The following PFKL variants were observed in gnomAD, a reference collection of about 807,000 sequenced individuals.
The protein encoded by PFKL is ATP-dependent 6-phosphofructokinase, liver type.
A neutral mutation model predicts 92.1 loss-of-function variants in PFKL; 74 were observed. That is an observed-to-expected ratio of 0.80 (90% CI 0.67 to 0.97). The LOEUF is 0.97. Among genes scored for constraint, PFKL ranks in the 50% least tolerant of loss-of-function variants. The probability of loss-of-function intolerance (pLI) is 0.00; values close to 1 mark genes in which losing one functional copy is unlikely to be tolerated. For synonymous variants in PFKL, 494 were observed against 456.4 expected, an observed-to-expected ratio of 1.08 and a Z score of -1.05; for missense variants, 1,028 against 1,116.6, an observed-to-expected ratio of 0.92 and a Z score of 1.13.
At position 44,321,470 on chromosome 21, in the gene PFKL, C is replaced by T. The variant is rs559941358; in HGVS notation, c.1192-259C>T. On this transcript the variant is annotated intron_variant, in intron 12 of 21. Transcript: ENST00000349048. ...GCAAGCCTGGCTTCACAACAGTGCT[C>T]GCCCCTTCTGCCTCCTCTGTTGCCT... The T allele has an allele frequency of 4.9e-3, 1,202 of 247,526 alleles. 7 individuals carry two copies. The highest frequency in any genetic ancestry group is 6.0e-3 in the Non-Finnish European group (785 of 129,914). The allele number at this position is 247,526 out of a possible 1,614,324, so 15.3% of individuals were successfully genotyped here. A position where few individuals can be genotyped will look rare whatever the true frequency, so the allele number is the denominator to read the frequency against.
At chr21:44,306,113 C>G (rs573183472) in intron 1 of PFKL, among the ~76,000 whole-genome samples, 1 of 152,344 alleles carries the variant, frequency 6.6e-6, no homozygotes, top group African/African-American at 2.4e-5. Flanking sequence ...CACGCCGCAG[C>G]CTGAATGTCT....
At chr21:44,312,677 T>G (rs1159065499) in intron 4 of PFKL, among the ~76,000 whole-genome samples, 1 of 152,246 alleles carries the variant, frequency 6.6e-6, no homozygotes, top group Non-Finnish European at 1.5e-5. Flanking sequence ...CCGAGATTGC[T>G]GCTTGGAAAG....
At position 44,326,163 on chromosome 21, in the gene PFKL, G is replaced by GGT. The variant is rs778563028; in HGVS notation, c.2097_2098dup (p.Phe700CysfsTer11). ...GCCACGTGCCTCTGTTTGCAGGACG[G>GGT]GTGTTCGCCAATGCCCCAGACTCGG... is the stretch of plus-strand genomic sequence containing the variant. On this transcript the variant is annotated frameshift_variant, in exon 21 of 22. Coordinates refer to ENST00000349048, the MANE Select transcript of PFKL (RefSeq NM_002626.6). LOFTEE classifies it high-confidence loss of function. The GGT allele has an allele frequency of 6.2e-7, 1 of 1,612,312 alleles. No individual in the cohort carries two copies. The highest frequency in any genetic ancestry group is 1.3e-5 in the African/African-American group (1 of 75,034).
At chr21:44,307,420 T>G in intron 2 of PFKL, 1 of 518,496 alleles carries the variant, frequency 1.9e-6, no homozygotes, top group Non-Finnish European at 2.5e-6. Flanking sequence ...GGCTGCATTC[T>G]TGCCTTGTCA....
At chr21:44,313,566 C>A in intron 5 of PFKL, 72 bp from the exon 6 acceptor site, 1 of 1,464,790 alleles carries the variant, frequency 6.8e-7, no homozygotes, top group Non-Finnish European at 9.4e-7. Flanking sequence ...GTCCCTTGAG[C>A]ACCCCGCAGG....
chr21:44,321,510 CA>C, intron 12 of PFKL: 2 of 404,648 alleles, frequency 4.9e-6, no homozygotes, highest in Non-Finnish European at 8.6e-6. Context: ...GCCAGGGGGC[CA>C]GGCTTGCACC....
At position 44,313,886 on chromosome 21, in the gene PFKL, T is replaced by G. The variant is rs761794792; in HGVS notation, c.639-27T>G. The G allele has an allele frequency of 1.4e-5, 21 of 1,536,376 alleles. No individual in the cohort carries two copies. The East Asian group carries it at 4.9e-4, about 36-fold the overall frequency. Reference sequence around the variant, plus strand: ...CCCCTCAACGGCTGGGTGGGGGTCCTGAGCAGGCAGGCGCTCGCTCCTCCA... The same window carrying G: ...CCCCTCAACGGCTGGGTGGGGGTCCGGAGCAGGCAGGCGCTCGCTCCTCCA... On this transcript the variant is annotated intron_variant, in intron 6 of 21. Transcript: ENST00000349048.
At chr21:44,321,101 AC>A (rs1240403455) in intron 12 of PFKL, 4 of 152,116 alleles carry the variant, frequency 2.6e-5, no homozygotes, top group Non-Finnish European at 4.4e-5. Flanking sequence ...TCGTACCAGG[AC>A]CCAGTGGGGC....
At chr21:44,326,338 C>A in intron 21 of PFKL, 74 bp downstream of exon 21, 2 of 1,131,784 alleles carry the variant, frequency 1.8e-6, no homozygotes, top group Non-Finnish European at 2.6e-6. Context: ...GGCAGGTGTG[C>A]CAGGCCCAGC....
chr21:44,326,824 G>A lies in PFKL; in HGVS notation c.2305G>A (p.Val769Met), dbSNP rs767358283. ...CTACGTGTCAGGGGAGCTGGAGCACGTGACCCGCCGCACCCTGAGCATGGA... is the reference window on the plus strand; with the variant it reads ...CTACGTGTCAGGGGAGCTGGAGCACATGACCCGCCGCACCCTGAGCATGGA... The part of the protein sequence containing the change: ...AAYVSGELEH[V>M]TRRTLSMDKG... The change falls in exon 22 of 22, where the codon GTG (valine) becomes ATG (methionine). Residue 769 changes from valine (V) to methionine (M), a missense_variant. Val to Met is a conservative substitution (Grantham distance 21, BLOSUM62 1). Transcript: ENST00000349048. 1.9e-6 allele frequency: 3 copies of A among 1,599,614 alleles called. No individual in the cohort carries two copies. Among genetic ancestry groups the A allele is most frequent in the South Asian group, 1.1e-5 (1 of 89,496 alleles).
At chr21:44,301,337 C>T (rs1038229718) in intron 1 of PFKL, among the ~76,000 whole-genome samples, 1 of 152,206 alleles carries the variant, frequency 6.6e-6, no homozygotes, top group Non-Finnish European at 1.5e-5. Flanking sequence ...GCGGGAGCTG[C>T]TGCTTGTTGC....
At chr21:44,316,011 T>G (rs1205081338) in intron 7 of PFKL, 9 of 558,792 alleles carry the variant, frequency 1.6e-5, no homozygotes, top group Non-Finnish European at 3.2e-6. Context: ...TCCCAGGCTT[T>G]CGGGCAGAGC....
At chr21:44,319,134 G>A (rs1029408535) in intron 10 of PFKL, among the ~76,000 whole-genome samples, 6 of 152,120 alleles carry the variant, frequency 3.9e-5, no homozygotes, top group Non-Finnish European at 7.4e-5. Flanking sequence ...AGGTGAGGAG[G>A]GCAGCTGGGG....
At position 44,311,898 on chromosome 21, in the gene PFKL, G is replaced by A. The variant is rs112568118; in HGVS notation, c.238-207G>A. Among the ~76,000 whole-genome samples the A allele has an allele frequency of 2.5e-3, 383 of 152,318 alleles. 8 individuals carry two copies. The highest frequency in any genetic ancestry group is 8.7e-3 in the African/African-American group (362 of 41,568). ...GGGCTTCCCAAGCCCAGGACCGGAC[G>A]GACATCATCCTCCTCTTTGTCTCTC... On this transcript the variant is annotated intron_variant, in intron 3 of 21. Coordinates refer to ENST00000349048, the MANE Select transcript of PFKL (RefSeq NM_002626.6).
intron 2 of PFKL, chr21:44,307,418 T>A: frequency 1.9e-6 from 1 of 519,946 alleles, no homozygotes; most frequent in Non-Finnish European, 2.5e-6. Context: ...CAGGCTGCAT[T>A]CTTGCCTTGT....
intron 5 of PFKL, 148 bp from the exon 6 acceptor site, chr21:44,313,490 G>T: frequency 1.3e-6 from 1 of 755,506 alleles, no homozygotes; most frequent in Non-Finnish European, 2.2e-6. Flanking sequence ...GGATCCCAAG[G>T]TATCTTTTAG....
chr21:44,320,412 T>C, intron 12 of PFKL: 1 of 391,868 alleles, frequency 2.6e-6, no homozygotes, highest in Non-Finnish European at 4.7e-6. Flanking sequence ...CAGGCTTAAC[T>C]CAGGAGAGGA....
chr21:44,315,901 G>A (rs2047189832), intron 7 of PFKL: 3 of 350,860 alleles, frequency 8.6e-6, no homozygotes, highest in South Asian at 5.4e-5. Context: ...AGCCCTGTGC[G>A]TCTTCCCGCC....
intron 18 of PFKL, 94 bp from the exon 19 acceptor site, chr21:44,325,059 C>T: frequency 8.5e-7 from 1 of 1,171,906 alleles, no homozygotes; most frequent in Non-Finnish European, 1.3e-6. Flanking sequence ...TGGGAGCTGC[C>T]ACTCCCTCTC....
Sources: allele counts gnomAD v4.1 joint callset (sites outside exome capture counted in the v4.1 genomes callset), GRCh38; gene constraint gnomAD v4.1.1; transcripts MANE v1.5; gene names NCBI Gene and HGNC (gene_info 2026-07-23, HGNC 2026-07-21).